The following NOL4 variants were observed in gnomAD, a reference collection of about 807,000 sequenced individuals.
The protein encoded by NOL4 is nucleolar protein 4.
In NOL4, 17 loss-of-function variants were observed where a neutral mutation model predicts 75.9. The ratio of observed to expected loss-of-function variants is 0.22; its 90% CI spans 0.15 to 0.34. The LOEUF (loss-of-function observed/expected upper bound fraction) is 0.34. Among genes scored for constraint, NOL4 ranks in the 10% least tolerant of loss-of-function variants. The probability of loss-of-function intolerance (pLI) is 1.00; values close to 1 mark genes in which losing one functional copy is unlikely to be tolerated. For missense variants in NOL4, 614 were observed against 793.5 expected (o/e 0.77, Z 2.72); for synonymous variants, 292 against 289.9 (o/e 1.01, Z -0.07).
At chr18:34,203,717 T>TCTCTCACACACACACACA (rs1261546835) in intron 1 of NOL4, among the ~76,000 whole-genome samples, 5 of 72,302 alleles carry the variant, frequency 6.9e-5, no homozygotes, top group South Asian at 1.5e-3. Flanking sequence ...TCTCTCTCTC[T>TCTCTCACACACACACACA]CACACACACA....
At chr18:34,089,552 A>G (rs2078407286) in intron 5 of NOL4, among the ~76,000 whole-genome samples, 1 of 152,212 alleles carries the variant, frequency 6.6e-6, no homozygotes, top group African/African-American at 2.4e-5. Context: ...CACTAGCCAT[A>G]TTTCAAGTAC....
At chr18:34,100,851 T>A (rs1254553269) in intron 4 of NOL4, among the ~76,000 whole-genome samples, 1 of 152,198 alleles carries the variant, frequency 6.6e-6, no homozygotes, top group Non-Finnish European at 1.5e-5. Flanking sequence ...CAAATCTACT[T>A]GAATCTCTAA....
intron 5 of NOL4, among the ~76,000 whole-genome samples, chr18:34,048,108 G>A (rs2076463376): frequency 6.6e-6 from 1 of 152,020 alleles, no homozygotes; most frequent in South Asian, 2.1e-4. Context: ...ATTTGTCCAT[G>A]AATATTTTTT....
At chr18:34,047,293 T>A (rs2076423100) in intron 5 of NOL4, among the ~76,000 whole-genome samples, 1 of 152,136 alleles carries the variant, frequency 6.6e-6, no homozygotes, top group Non-Finnish European at 1.5e-5. Flanking sequence ...ATAATAGCTA[T>A]ATTTAGCGTA....
intron 9 of NOL4, among the ~76,000 whole-genome samples, chr18:33,914,847 A>G (rs1335388884): frequency 2.0e-5 from 3 of 152,116 alleles, no homozygotes; most frequent in Admixed American, 2.0e-4. Flanking sequence ...CATCCATCCA[A>G]GAGTACATGC....
intron 10 of NOL4, among the ~76,000 whole-genome samples, chr18:33,876,013 T>C (rs567095292): frequency 1.3e-5 from 2 of 152,166 alleles, no homozygotes; most frequent in Admixed American, 6.6e-5. Flanking sequence ...CTAAAGGATT[T>C]TGACATATAG....
At chr18:34,016,022 A>T (rs1426751378) in intron 6 of NOL4, among the ~76,000 whole-genome samples, 2 of 152,082 alleles carry the variant, frequency 1.3e-5, no homozygotes, top group African/African-American at 4.8e-5. Context: ...TCATTCTTAT[A>T]TTCACAGAAT....
chr18:33,879,172 G>GA (rs1472224424), intron 10 of NOL4, among the ~76,000 whole-genome samples: 1 of 151,972 alleles, frequency 6.6e-6, no homozygotes, highest in Non-Finnish European at 1.5e-5. Context: ...TTAAATATAT[G>GA]AAACAGTGTA....
chr18:34,085,278 G>T (rs1295066341), intron 5 of NOL4, among the ~76,000 whole-genome samples: 3 of 152,118 alleles, frequency 2.0e-5, no homozygotes, highest in Non-Finnish European at 2.9e-5. Flanking sequence ...TCTGCTATTT[G>T]GTCCTAACAG....
chr18:33,976,031 G>A (rs886391502), intron 6 of NOL4, among the ~76,000 whole-genome samples: 5 of 152,108 alleles, frequency 3.3e-5, no homozygotes, highest in African/African-American at 1.2e-4. Flanking sequence ...AGTTTTTTGA[G>A]GATGGAGGGC....
intron 5 of NOL4, among the ~76,000 whole-genome samples, chr18:34,082,475 C>T (rs940367306): frequency 6.6e-5 from 10 of 152,132 alleles, no homozygotes; most frequent in East Asian, 1.9e-4. Context: ...TTTTAGTTCT[C>T]GTCATCATCT....
At chr18:34,164,029 G>C (rs1185464381) in intron 1 of NOL4, among the ~76,000 whole-genome samples, 5 of 152,128 alleles carry the variant, frequency 3.3e-5, no homozygotes, top group South Asian at 2.1e-4. Context: ...GGGAAAACTG[G>C]CTAGCCATAC....
In NOL4 at chr18:33,958,466, T is replaced by A. The variant is rs112397007; in HGVS notation, c.1057-48A>T. On this transcript the variant is annotated intron_variant, in intron 6 of 10. Transcript: ENST00000261592. ...CTGCTTTTAAATTCATTGCACAAGC[T>A]TATAAGTTTTATGTTTCATCTTTAA... 21 of 1,466,094 alleles carry A rather than the reference T, an allele frequency of 1.4e-5. 1 individual carries two copies. The African/African-American group carries it at 2.3e-4, about 16-fold the overall frequency. The allele number at this position is 1,466,094 out of a possible 1,614,324, so 90.8% of individuals were successfully genotyped here.
chr18:34,099,180 C>T (rs371912859), intron 4 of NOL4, among the ~76,000 whole-genome samples: 6 of 151,160 alleles, frequency 4.0e-5, no homozygotes, highest in African/African-American at 9.7e-5. Context: ...CTGGCCAACA[C>T]GGTGAAACCC....
chr18:34,206,957 TA>T (rs2036164494), intron 1 of NOL4, among the ~76,000 whole-genome samples: 1 of 152,068 alleles, frequency 6.6e-6, no homozygotes, highest in Non-Finnish European at 1.5e-5. Flanking sequence ...CCATGAATTT[TA>T]AATTCATGGA....
At chr18:34,068,379 T>A (rs2077368815) in intron 5 of NOL4, among the ~76,000 whole-genome samples, 1 of 152,146 alleles carries the variant, frequency 6.6e-6, no homozygotes, top group Non-Finnish European at 1.5e-5. Context: ...GCTTATTTCT[T>A]TTTTTAAAAT....
chr18:34,208,676 T>A (rs1295075513), intron 1 of NOL4, among the ~76,000 whole-genome samples: 1 of 150,420 alleles, frequency 6.6e-6, no homozygotes, highest in African/African-American at 2.4e-5. Flanking sequence ...GGCTAAAAGG[T>A]CAAACCCCGT....
intron 9 of NOL4, among the ~76,000 whole-genome samples, chr18:33,905,607 T>A (rs2065988535): frequency 6.6e-6 from 1 of 152,068 alleles, no homozygotes; most frequent in Non-Finnish European, 1.5e-5. Flanking sequence ...CACTAACCTA[T>A]CCCCCACTGC....
chr18:34,116,546 A>C (rs1211737463), intron 2 of NOL4, among the ~76,000 whole-genome samples: 2 of 152,242 alleles, frequency 1.3e-5, no homozygotes, highest in East Asian at 3.8e-4. Flanking sequence ...TCTAATTTGC[A>C]AAACTCATCT....
Sources: gnomAD v4.1 joint callset for allele counts (sites outside exome capture counted in the v4.1 genomes callset) on GRCh38, gnomAD v4.1.1 for gene constraint, MANE v1.5 for transcripts, NCBI Gene and HGNC (gene_info 2026-07-23, HGNC 2026-07-21) for gene names.